GALNT13: variants seen among roughly 807,000 people sequenced by gnomAD.
GALNT13 encodes UDP-GalNAc:polypeptide N-acetylgalactosaminyltransferase 13.
Under a neutral mutation model 64.2 loss-of-function variants are expected in GALNT13, and 28 were observed. The ratio of observed to expected loss-of-function variants is 0.44; its 90% CI spans 0.32 to 0.60. The LOEUF (loss-of-function observed/expected upper bound fraction) is 0.60. Ranked by LOEUF, GALNT13 falls within the 20% of genes least tolerant of loss-of-function variation. The pLI, the probability that GALNT13 is intolerant of heterozygous loss-of-function variation, is 0.05. For missense variants in GALNT13, 577 were observed against 669.8 expected (o/e 0.86, Z 1.53); for synonymous variants, 214 against 224.6 (o/e 0.95, Z 0.42).
the GALNT13 span, among the ~76,000 whole-genome samples, chr2:153,235,570 T>C: frequency 0.13 from 19,740 of 152,092 alleles, 1,636 homozygotes; most frequent in Non-Finnish European, 0.18. Context: ...CCCAGGGGCA[T>C]CTTTTTTACT....
the GALNT13 span, among the ~76,000 whole-genome samples, chr2:153,577,669 G>T: frequency 6.6e-6 from 1 of 151,864 alleles, no homozygotes. Flanking sequence ...TGTTTTAAAA[G>T]TCTCAGACAA....
chr2:153,729,444 G>A, the GALNT13 span, among the ~76,000 whole-genome samples: 1 of 151,884 alleles, frequency 6.6e-6, no homozygotes, highest in Non-Finnish European at 1.5e-5. Flanking sequence ...ACTGATTATT[G>A]TGTCATCTTA....
chr2:153,979,956 A>G (rs1694347757), intron 3 of GALNT13, among the ~76,000 whole-genome samples: 1 of 152,228 alleles, frequency 6.6e-6, no homozygotes, highest in Non-Finnish European at 1.5e-5. Flanking sequence ...AGTGCAAGAC[A>G]TTAAGTTATG....
chr2:153,549,979 C>A, the GALNT13 span, among the ~76,000 whole-genome samples: 2,401 of 152,236 alleles, frequency 0.016, 74 homozygotes, highest in African/African-American at 0.055. Context: ...GACCTCTAAG[C>A]TACCGTAGCA....
intron 3 of GALNT13, among the ~76,000 whole-genome samples, chr2:153,956,907 G>A (rs1692607017): frequency 6.6e-6 from 1 of 152,030 alleles, no homozygotes; most frequent in South Asian, 2.1e-4. Context: ...ACAGTTTTAT[G>A]TAGACTATCT....
the GALNT13 span, among the ~76,000 whole-genome samples, chr2:153,225,523 T>G: frequency 6.6e-6 from 1 of 152,212 alleles, no homozygotes; most frequent in African/African-American, 2.4e-5. Flanking sequence ...AAATAAAAGA[T>G]ATATAGATTG....
chr2:153,270,231 G>A, the GALNT13 span, among the ~76,000 whole-genome samples: 1 of 152,082 alleles, frequency 6.6e-6, no homozygotes, highest in Non-Finnish European at 1.5e-5. Flanking sequence ...TACACTTTCT[G>A]AGCATCTACT....
At chr2:154,187,699 A>T (rs547749725) in intron 4 of GALNT13, among the ~76,000 whole-genome samples, 115 of 152,224 alleles carry the variant, frequency 7.6e-4, no homozygotes, top group Middle Eastern at 3.4e-3. Context: ...AGACCTAAAC[A>T]ACTACCTGAG....
intron 4 of GALNT13, among the ~76,000 whole-genome samples, chr2:154,197,025 C>G (rs1320389954): frequency 6.6e-6 from 1 of 152,062 alleles, no homozygotes; most frequent in African/African-American, 2.4e-5. Context: ...CACATGAAAG[C>G]CTTTTCGATG....
At chr2:153,557,904 C>G in the GALNT13 span, among the ~76,000 whole-genome samples, 2 of 152,170 alleles carry the variant, frequency 1.3e-5, no homozygotes, top group African/African-American at 4.8e-5. Flanking sequence ...GCTCTACTAA[C>G]TGTGCCCAGA....
At chr2:154,094,292 C>T (rs10804099) in intron 3 of GALNT13, among the ~76,000 whole-genome samples, 83,820 of 151,606 alleles carry the variant, frequency 0.55, 24,425 homozygotes, top group East Asian at 0.85. Flanking sequence ...AAGGAAATAT[C>T]TGGGCCATGT....
At position 154,217,883 on chromosome 2, in the gene GALNT13, T is replaced by C. The variant is rs141293486; in HGVS notation, c.312-24147T>C. On this transcript the variant is annotated intron_variant, in intron 4 of 12. Coordinates refer to ENST00000392825, the MANE Select transcript of GALNT13 (RefSeq NM_052917.4). ...GAATTTATATGCACTTAATCACCTC[T>C]GGACTTAGTTTAGCAATCTACGCAG... is the stretch of plus-strand genomic sequence containing the variant. 6.3e-3 allele frequency among the ~76,000 whole-genome samples: 965 copies of C among 152,194 alleles called. 9 individuals carry two copies. The highest frequency in any genetic ancestry group is 7.9e-3 in the Non-Finnish European group (534 of 67,980).
At chr2:154,308,575 T>G (rs764953793) in intron 9 of GALNT13, among the ~76,000 whole-genome samples, 4 of 152,134 alleles carry the variant, frequency 2.6e-5, no homozygotes, top group Admixed American at 6.6e-5. Flanking sequence ...TGTAATAATC[T>G]AGGAATATTA....
intron 8 of GALNT13, among the ~76,000 whole-genome samples, chr2:154,276,907 C>T (rs150066102): frequency 8.6e-4 from 131 of 152,282 alleles, no homozygotes; most frequent in South Asian, 1.7e-3. Context: ...GTGTTTGCTT[C>T]CCCTTCCACC....
chr2:154,137,302 A>AACACAC lies in GALNT13; in HGVS notation c.143-3015_143-3010dup, dbSNP rs112665813. On this transcript the variant is annotated intron_variant, in intron 3 of 12. Transcript: ENST00000392825. ...AATAGGCCTGCTTATACACAGGCAA[A>AACACAC]ACACACACACACACACACACACACA... Among the ~76,000 whole-genome samples, 963 of 148,976 alleles carry AACACAC rather than the reference A, an allele frequency of 6.5e-3. 9 individuals carry two copies. Among genetic ancestry groups the AACACAC allele is most frequent in the Middle Eastern group, 0.024 (7 of 286 alleles).
At chr2:153,138,508 TA>T in the GALNT13 span, among the ~76,000 whole-genome samples, 1 of 152,070 alleles carries the variant, frequency 6.6e-6, no homozygotes. Context: ...TTTATTCTCT[TA>T]AACAATATCA....
At chr2:153,670,415 GAGTGAACCTCC>G in the GALNT13 span, among the ~76,000 whole-genome samples, 1 of 152,198 alleles carries the variant, frequency 6.6e-6, no homozygotes, top group Non-Finnish European at 1.5e-5. Context: ...ACAGGGTATG[GAGTGAACCTCC>G]AGCAAACTCC....
At chr2:153,194,996 C>T in the GALNT13 span, among the ~76,000 whole-genome samples, 4 of 152,110 alleles carry the variant, frequency 2.6e-5, no homozygotes, top group Non-Finnish European at 4.4e-5. Context: ...TATTTGGAGC[C>T]CCGGGTGGTA....
At chr2:153,484,488 AT>A in the GALNT13 span, among the ~76,000 whole-genome samples, 1 of 152,186 alleles carries the variant, frequency 6.6e-6, no homozygotes, top group Admixed American at 6.5e-5. Flanking sequence ...ACAAATTGAA[AT>A]TTTTAGTAAA....
Sources: gnomAD v4.1 joint callset for allele counts (sites outside exome capture counted in the v4.1 genomes callset) on GRCh38, gnomAD v4.1.1 for gene constraint, MANE v1.5 for transcripts, NCBI Gene and HGNC (gene_info 2026-07-23, HGNC 2026-07-21) for gene names.